Variants in SNX24 observed in about 807,000 individuals in gnomAD.
The protein encoded by SNX24 is sorting nexin-24.
Under a neutral mutation model 28.7 loss-of-function variants are expected in SNX24, and 22 were observed. The observed-to-expected ratio is 0.77, with a 90% confidence interval of 0.55 to 1.10. The LOEUF is 1.10. Ranked by LOEUF, SNX24 falls within the 50% of genes least tolerant of loss-of-function variation. SNX24 has a pLI of 0.00. For missense variants in SNX24, 221 were observed against 201.1 expected (o/e 1.10, Z -0.60); for synonymous variants, 69 against 71.5 (o/e 0.96, Z 0.18).
rs200495751 is a variant in SNX24, at chr5:122,929,885, C to CT, written c.61-6842dup. Reference sequence around the variant, plus strand: ...TTCTTTTGTGAATTCCTTTTTTTTTCTTTTTTTAATATTCAAAGAAGGTTC... The same window carrying CT: ...TTCTTTTGTGAATTCCTTTTTTTTTCTTTTTTTTAATATTCAAAGAAGGTTC... On this transcript the variant is annotated intron_variant, in intron 1 of 6. Coordinates refer to ENST00000261369, the MANE Select transcript of SNX24 (RefSeq NM_014035.4). 2.7e-3 allele frequency among the ~76,000 whole-genome samples: 406 copies of CT among 149,260 alleles called. 2 individuals carry two copies. Among genetic ancestry groups the CT allele is most frequent in the African/African-American group, 9.5e-3 (386 of 40,706 alleles).
chr5:122,858,260 T>C (rs35049107), intron 1 of SNX24, among the ~76,000 whole-genome samples: 3,996 of 152,296 alleles, frequency 0.026, 70 homozygotes, highest in Non-Finnish European at 0.037. Flanking sequence ...ATGGAAGAGT[T>C]TTTGAAATAC....
intron 5 of SNX24, chr5:123,029,006 A>G (rs1166914910): frequency 2.3e-6 from 2 of 862,422 alleles, no homozygotes; most frequent in African/African-American, 1.7e-5. Context: ...GCTATGGTTT[A>G]CTGAGAGAAA....
chr5:122,855,533 C>A (rs1239454169), intron 1 of SNX24, among the ~76,000 whole-genome samples: 1 of 152,262 alleles, frequency 6.6e-6, no homozygotes, highest in South Asian at 2.1e-4. Flanking sequence ...GTAATCCTAG[C>A]ACTTAGAGAG....
intron 1 of SNX24, among the ~76,000 whole-genome samples, chr5:122,919,548 G>C (rs911500582): frequency 6.6e-6 from 1 of 151,388 alleles, no homozygotes; most frequent in African/African-American, 2.4e-5. Flanking sequence ...TTGACTTCAT[G>C]GTCAGAAAAA....
At chr5:122,991,311 A>T (rs1761839419) in intron 3 of SNX24, among the ~76,000 whole-genome samples, 2 of 152,196 alleles carry the variant, frequency 1.3e-5, no homozygotes. Flanking sequence ...TTCAATACAC[A>T]GGTAATTTAA....
chr5:122,863,152 G>GT (rs1202341836), intron 1 of SNX24, among the ~76,000 whole-genome samples: 2 of 152,148 alleles, frequency 1.3e-5, no homozygotes, highest in Admixed American at 1.3e-4. Flanking sequence ...TTAGATAGTT[G>GT]TAAGCACTAT....
At chr5:122,873,849 T>C (rs956370113) in intron 1 of SNX24, among the ~76,000 whole-genome samples, 3 of 141,810 alleles carry the variant, frequency 2.1e-5, no homozygotes, top group Non-Finnish European at 4.5e-5. Context: ...TACTGCAACT[T>C]CCACCTCCCA....
intron 5 of SNX24, among the ~76,000 whole-genome samples, chr5:123,026,666 G>A (rs925664103): frequency 6.6e-6 from 1 of 152,224 alleles, no homozygotes; most frequent in African/African-American, 2.4e-5. Flanking sequence ...TCAGGACACA[G>A]AGGATGATGA....
At position 122,936,714 on chromosome 5, in the gene SNX24, C is replaced by A; in HGVS notation, c.61-20C>A. 8 of 1,403,708 alleles carry A rather than the reference C, an allele frequency of 5.7e-6. No homozygotes were observed. Among genetic ancestry groups the A allele is most frequent in the Non-Finnish European group, 8.0e-6 (8 of 995,680 alleles). 87.0% of individuals were successfully genotyped at this position (1,403,708 alleles called of 1,614,324 possible). On this transcript the variant is annotated intron_variant, in intron 1 of 6. Coordinates refer to ENST00000261369, the MANE Select transcript of SNX24 (RefSeq NM_014035.4). ...AGGGTTTTGAACTAATATAATTAATCTTTTAAATTTTTTCCTCAGGTGTTT... is the reference window on the plus strand; with the variant it reads ...AGGGTTTTGAACTAATATAATTAATATTTTAAATTTTTTCCTCAGGTGTTT...
At chr5:122,911,980 A>G (rs1245104212) in intron 1 of SNX24, among the ~76,000 whole-genome samples, 1 of 130,702 alleles carries the variant, frequency 7.7e-6, no homozygotes, top group African/African-American at 2.9e-5. Context: ...TATGAACTTT[A>G]AAGTAGTTTT....
chr5:123,008,451 G>A lies in SNX24; in HGVS notation c.*702G>A. The A allele has an allele frequency of 4.8e-6, 1 of 207,174 alleles. No individual in the cohort carries two copies. Among genetic ancestry groups the A allele is most frequent in the Non-Finnish European group, 8.4e-6 (1 of 119,350 alleles). The allele number at this position is 207,174 out of a possible 1,614,324, so 12.8% of individuals were successfully genotyped here. On this transcript the variant is annotated 3_prime_UTR_variant, in exon 7 of 7. Transcript: ENST00000261369. The stretch of plus-strand genomic sequence containing the variant: ...TAGAAGGGTGCCATGTTGGAAACCT[G>A]TACATCCACAACAAGTAGCTTTTCC...
At chr5:122,981,872 T>C (rs1761410316) in intron 3 of SNX24, among the ~76,000 whole-genome samples, 1 of 152,168 alleles carries the variant, frequency 6.6e-6, no homozygotes, top group South Asian at 2.1e-4. Context: ...TACTCACTCA[T>C]CCATTTCAGG....
chr5:122,893,502 G>GTA (rs1209867093), intron 1 of SNX24, among the ~76,000 whole-genome samples: 5 of 151,726 alleles, frequency 3.3e-5, no homozygotes, highest in Non-Finnish European at 5.9e-5. Context: ...TATTTTATAT[G>GTA]TATATATATA....
chr5:122,998,593 T>C (rs1223524626), intron 3 of SNX24, among the ~76,000 whole-genome samples: 1 of 152,224 alleles, frequency 6.6e-6, no homozygotes, highest in Non-Finnish European at 1.5e-5. Context: ...GCTCTTTAGA[T>C]GACCCCTCTC....
intron 6 of SNX24, among the ~76,000 whole-genome samples, chr5:123,006,257 A>G (rs7734954): frequency 0.14 from 20,737 of 152,090 alleles, 1,696 homozygotes; most frequent in East Asian, 0.36. Context: ...ATGATCTTCT[A>G]TTTTACTCCT....
intron 1 of SNX24, among the ~76,000 whole-genome samples, chr5:122,875,934 C>A (rs1756202853): frequency 6.6e-6 from 1 of 152,200 alleles, no homozygotes; most frequent in African/African-American, 2.4e-5. Context: ...ATTAGCCCTG[C>A]ATGGTGGCGG....
At chr5:122,911,284 T>C (rs1008217882) in intron 1 of SNX24, among the ~76,000 whole-genome samples, 3 of 152,258 alleles carry the variant, frequency 2.0e-5, no homozygotes, top group African/African-American at 7.2e-5. Flanking sequence ...GATGTGTCTG[T>C]TCATATCCTT....
rs528920744 is a variant in SNX24 at position 122,889,586 on chromosome 5, C to A, written c.60+43893C>A. On this transcript the variant is annotated intron_variant, in intron 1 of 6. Coordinates refer to ENST00000261369, the MANE Select transcript of SNX24 (RefSeq NM_014035.4). ...CATTTCGGATAAGGGATACTCAATC[C>A]GTGTATGTGTATATATATATACACA... Among the ~76,000 whole-genome samples, 37 of 145,150 alleles carry A rather than the reference C, an allele frequency of 2.5e-4. No homozygotes were observed. In the South Asian group the frequency reaches 8.0e-3, roughly 31 times the overall value.
intron 1 of SNX24, among the ~76,000 whole-genome samples, chr5:122,866,722 C>G (rs1240882178): frequency 3.3e-5 from 5 of 152,138 alleles, no homozygotes; most frequent in Non-Finnish European, 5.9e-5. Flanking sequence ...AGTCCAGTTT[C>G]CTTTTGGTAG....
Sources: allele counts gnomAD v4.1 joint callset (sites outside exome capture counted in the v4.1 genomes callset), GRCh38; gene constraint gnomAD v4.1.1; transcripts MANE v1.5; gene names NCBI Gene and HGNC (gene_info 2026-07-23, HGNC 2026-07-21).